Variants in SDK1 observed in about 807,000 individuals in gnomAD.
The protein encoded by SDK1 is sidekick cell adhesion molecule 1.
A neutral mutation model predicts 245.5 loss-of-function variants in SDK1; 157 were observed. The ratio of observed to expected loss-of-function variants is 0.64; its 90% CI spans 0.56 to 0.73. The LOEUF (loss-of-function observed/expected upper bound fraction) is 0.73. SDK1 is among the 30% of genes least tolerant of loss of function. SDK1 has a pLI of 0.00. For missense variants in SDK1, 3,583 were observed against 3,002.3 expected, an observed-to-expected ratio of 1.19 and a Z score of -4.52; for synonymous variants, 1,647 against 1,278.5, an observed-to-expected ratio of 1.29 and a Z score of -6.15.
intron 1 of SDK1, among the ~76,000 whole-genome samples, chr7:3,549,573 G>C (rs1779336479): frequency 6.6e-6 from 1 of 152,196 alleles, no homozygotes; most frequent in Non-Finnish European, 1.5e-5. Context: ...ACACCAGACA[G>C]AATTTAGAGT....
At chr7:4,114,300 GGA>G (rs1783551824) in intron 25 of SDK1, 26 bp downstream of exon 25, 8 of 1,544,204 alleles carry the variant, frequency 5.2e-6, no homozygotes, top group Non-Finnish European at 7.0e-6. Flanking sequence ...TTCCCATCCT[GGA>G]GACACCGCAT....
At chr7:4,077,258 A>G (rs1053114148) in intron 21 of SDK1, 69 bp downstream of exon 21, 44 of 1,475,628 alleles carry the variant, frequency 3.0e-5, no homozygotes, top group Non-Finnish European at 3.8e-5. Context: ...CTAGAAGTTG[A>G]TTGGCACTTT....
intron 1 of SDK1, among the ~76,000 whole-genome samples, chr7:3,385,702 T>C (rs1319374482): frequency 1.3e-5 from 2 of 152,208 alleles, no homozygotes; most frequent in Non-Finnish European, 2.9e-5. Context: ...ACCTACTTTA[T>C]TTTCCTTTAT....
In SDK1 at chr7:4,057,246, C is replaced by T. The variant is rs141079837; in HGVS notation, c.2911+5416C>T. 3.4e-3 allele frequency among the ~76,000 whole-genome samples: 520 copies of T among 152,320 alleles called. 1 individual carries two copies. Among genetic ancestry groups the T allele is most frequent in the Admixed American group, 5.9e-3 (91 of 15,312 alleles). On this transcript the variant is annotated intron_variant, in intron 19 of 44. Coordinates refer to ENST00000404826, the MANE Select transcript of SDK1 (RefSeq NM_152744.4). Reference sequence around the variant, plus strand: ...CACCACCAGGGGTCCTGAGGACAGGCCTGCTTGGCTTGCTCAGCCTCCCCC... The same window carrying T: ...CACCACCAGGGGTCCTGAGGACAGGTCTGCTTGGCTTGCTCAGCCTCCCCC...
intron 4 of SDK1, among the ~76,000 whole-genome samples, chr7:3,813,342 A>G (rs1487810876): frequency 7.0e-6 from 1 of 142,682 alleles, no homozygotes; most frequent in South Asian, 2.3e-4. Context: ...TTTCCCACCT[A>G]TGAGTGAGAA....
At chr7:3,531,680 C>T (rs1004770353) in intron 1 of SDK1, among the ~76,000 whole-genome samples, 3 of 152,146 alleles carry the variant, frequency 2.0e-5, no homozygotes, top group Non-Finnish European at 4.4e-5. Context: ...ATTCCATTAT[C>T]TATTTTTGTC....
chr7:3,679,457 C>G (rs902781858), intron 4 of SDK1, among the ~76,000 whole-genome samples: 1 of 152,142 alleles, frequency 6.6e-6, no homozygotes, highest in Non-Finnish European at 1.5e-5. Context: ...GTCCCAGGTA[C>G]TCGGGAGGCT....
intron 16 of SDK1, among the ~76,000 whole-genome samples, 176 bp downstream of exon 16, chr7:4,012,411 G>A (rs751358206): frequency 6.6e-6 from 1 of 152,100 alleles, no homozygotes; most frequent in African/African-American, 2.4e-5. Context: ...ACAGGCCAAC[G>A]TGGGCAGCCG....
chr7:4,264,159 G>A (rs1319094834), intron 44 of SDK1, among the ~76,000 whole-genome samples: 1 of 138,802 alleles, frequency 7.2e-6, no homozygotes, highest in Admixed American at 7.1e-5. Context: ...GAGGGTGGCC[G>A]CGTAGAACTC....
At chr7:3,449,284 G>A (rs1296273166) in intron 1 of SDK1, among the ~76,000 whole-genome samples, 2 of 151,578 alleles carry the variant, frequency 1.3e-5, no homozygotes, top group Non-Finnish European at 2.9e-5. Context: ...TTTATGCCCT[G>A]CACAGAGCGA....
At chr7:3,987,371 T>C in intron 14 of SDK1, 49 bp downstream of exon 14, 1 of 1,595,390 alleles carries the variant, frequency 6.3e-7, no homozygotes, top group Non-Finnish European at 8.6e-7. Context: ...CAGATTTTTG[T>C]GTGTGCTCTT....
chr7:3,399,815 T>C (rs371528125), intron 1 of SDK1, among the ~76,000 whole-genome samples: 2 of 152,244 alleles, frequency 1.3e-5, no homozygotes, highest in Non-Finnish European at 1.5e-5. Flanking sequence ...TACATGTGTG[T>C]GGAGTTCCAG....
Position 4,011,043 on chromosome 7 carries a change from C to A in SDK1, c.2209C>A (p.Arg737Ser). Reference protein sequence around the residue: ...GVTVSGLTPARTYQFRVCAVN... With the variant: ...GVTVSGLTPASTYQFRVCAVN... The stretch of plus-strand genomic sequence containing the variant: ...CACCGTGAGTGGCCTGACTCCGGCT[C>A]GTACCTATCAATTCCGGGTGTGCGC... Residue 737 changes from arginine (R) to serine (S), a missense_variant, in exon 15 of 45, where the codon CGT (arginine) becomes AGT (serine). Physicochemically the swap from Arg to Ser is moderately radical, Grantham distance 110. Transcript: ENST00000404826. The A allele has an allele frequency of 6.2e-7, 1 of 1,614,190 alleles. No homozygotes were observed. The highest frequency in any genetic ancestry group is 8.5e-7 in the Non-Finnish European group (1 of 1,180,038).
intron 1 of SDK1, among the ~76,000 whole-genome samples, chr7:3,413,077 TAGA>T (rs1322145575): frequency 6.6e-6 from 1 of 152,130 alleles, no homozygotes; most frequent in African/African-American, 2.4e-5. Flanking sequence ...GCAGGCTAAT[TAGA>T]AGGAGTATAC....
At chr7:3,755,677 AACC>A (rs1583379357) in intron 4 of SDK1, among the ~76,000 whole-genome samples, 2 of 151,906 alleles carry the variant, frequency 1.3e-5, no homozygotes, top group East Asian at 3.9e-4. Context: ...CCTTCCCCCC[AACC>A]CCTCACCCCA....
At chr7:3,882,327 C>T (rs761763759) in intron 5 of SDK1, among the ~76,000 whole-genome samples, 7 of 152,208 alleles carry the variant, frequency 4.6e-5, no homozygotes, top group Non-Finnish European at 1.0e-4. Context: ...ATGCCTTTCA[C>T]TCCTGAGAAT....
At position 4,026,435 on chromosome 7, in the gene SDK1, T is replaced by G. The variant is rs1787351449; in HGVS notation, c.2602+9083T>G. Among the ~76,000 whole-genome samples the G allele has an allele frequency of 6.6e-6, 1 of 152,212 alleles. No individual in the cohort carries two copies. The highest frequency in any genetic ancestry group is 1.5e-5 in the Non-Finnish European group (1 of 68,044). On this transcript the variant is annotated intron_variant, in intron 17 of 44. Transcript: ENST00000404826. The surrounding 1 kb of genome is among the most constrained non-coding windows in gnomAD (Gnocchi z 4.1). ...AAATAACATCTTGTTCCTAACTGACTTCAGAGTCAGACGACTGGCTTCACG... is the reference window on the plus strand; with the variant it reads ...AAATAACATCTTGTTCCTAACTGACGTCAGAGTCAGACGACTGGCTTCACG...
At chr7:3,583,890 T>C (rs1420223529) in intron 1 of SDK1, among the ~76,000 whole-genome samples, 1 of 152,030 alleles carries the variant, frequency 6.6e-6, no homozygotes, top group Non-Finnish European at 1.5e-5. Context: ...CATGGGACTT[T>C]GTGGAGCACA....
chr7:4,004,978 A>G (rs1785350483), intron 14 of SDK1, among the ~76,000 whole-genome samples: 2 of 148,950 alleles, frequency 1.3e-5, no homozygotes, highest in South Asian at 4.4e-4. Context: ...GTTGTCCTAT[A>G]GAAGGCCCCA....
Sources: allele counts gnomAD v4.1 joint callset (sites outside exome capture counted in the v4.1 genomes callset), GRCh38; gene constraint gnomAD v4.1.1; non-coding constraint Gnocchi (gnomAD v3.1); transcripts MANE v1.5; gene names NCBI Gene and HGNC (gene_info 2026-07-23, HGNC 2026-07-21).